The following PTPN13 variants were observed in gnomAD, a reference collection of about 807,000 sequenced individuals.
PTPN13 encodes tyrosine-protein phosphatase non-receptor type 13.
In PTPN13, 191 loss-of-function variants were observed where a neutral mutation model predicts 284.0. The observed-to-expected ratio is 0.67, with a 90% CI of 0.60 to 0.76. The LOEUF (loss-of-function observed/expected upper bound fraction) is 0.76. Ranked by LOEUF, PTPN13 falls within the 30% of genes least tolerant of loss-of-function variation. The pLI is 0.00. For missense variants in PTPN13, 2,797 were observed against 2,939.9 expected (o/e 0.95, Z 1.12); for synonymous variants, 986 against 1,022.3 (o/e 0.96, Z 0.68).
chr4:86,629,033 G>A (rs1251395310), intron 1 of PTPN13, among the ~76,000 whole-genome samples: 2 of 151,922 alleles, frequency 1.3e-5, no homozygotes, highest in African/African-American at 2.4e-5. Context: ...GGACATAGGC[G>A]TGGGCAAGGA....
At chr4:86,766,314 C>G (rs1454918898) in intron 26 of PTPN13, 118 bp from the exon 27 acceptor site, 11 of 700,410 alleles carry the variant, frequency 1.6e-5, no homozygotes, top group Non-Finnish European at 2.6e-5. Context: ...CTCTGTAACA[C>G]AATTTCTTCC....
rs139606899 is a variant in PTPN13 at position 86,597,216 on chromosome 4, T to C, written c.-6+2427T>C. 1.3e-3 allele frequency among the ~76,000 whole-genome samples: 192 copies of C among 151,570 alleles called. 2 individuals are homozygous for C. The highest frequency in any genetic ancestry group is 1.5e-3 in the Non-Finnish European group (99 of 67,892). On this transcript the variant is annotated intron_variant, in intron 1 of 47. Transcript: ENST00000411767. ...CTCTCTTTTAATTTGAAAATTAAAA[T>C]GGGTCAAATAACTTAGGAACTAAAT... is the stretch of plus-strand genomic sequence containing the variant.
intron 41 of PTPN13, among the ~76,000 whole-genome samples, chr4:86,797,530 T>G (rs974059255): frequency 6.6e-6 from 1 of 152,012 alleles, no homozygotes; most frequent in Admixed American, 6.6e-5. Flanking sequence ...AAATTTTTTG[T>G]TACAAGGAGG....
intron 33 of PTPN13, 47 bp downstream of exon 33, chr4:86,774,578 G>T: frequency 6.7e-7 from 1 of 1,485,540 alleles, no homozygotes; most frequent in South Asian, 1.3e-5. Context: ...TGTAGACAAA[G>T]AGCAAGCCAG....
chr4:86,597,731 T>C (rs1174121684), intron 1 of PTPN13, among the ~76,000 whole-genome samples: 2 of 152,224 alleles, frequency 1.3e-5, no homozygotes, highest in Non-Finnish European at 2.9e-5. Context: ...TCACTAATAG[T>C]AAGGCAGTAG....
chr4:86,703,764 G>A (rs753186288), intron 7 of PTPN13, among the ~76,000 whole-genome samples: 1 of 152,134 alleles, frequency 6.6e-6, no homozygotes, highest in Non-Finnish European at 1.5e-5. Flanking sequence ...AGCTACTCAG[G>A]AGGCTGAGGT....
chr4:86,610,110 A>T (rs1233329773), intron 1 of PTPN13, among the ~76,000 whole-genome samples: 1 of 152,074 alleles, frequency 6.6e-6, no homozygotes, highest in African/African-American at 2.4e-5. Context: ...GCTACTTGGG[A>T]GGCTGAGGCA....
intron 7 of PTPN13, among the ~76,000 whole-genome samples, chr4:86,714,732 T>C (rs1019694464): frequency 2.0e-5 from 3 of 152,234 alleles, no homozygotes; most frequent in Admixed American, 6.5e-5. Context: ...ATACCACTTA[T>C]ATACATTTAT....
chr4:86,652,667 C>G (rs1043325765), intron 2 of PTPN13, among the ~76,000 whole-genome samples: 2 of 151,966 alleles, frequency 1.3e-5, no homozygotes, highest in African/African-American at 2.4e-5. Context: ...TGTATATTTT[C>G]TCTTGCTGCT....
intron 40 of PTPN13, among the ~76,000 whole-genome samples, chr4:86,788,954 T>C (rs1050144654): frequency 6.6e-6 from 1 of 152,190 alleles, no homozygotes; most frequent in African/African-American, 2.4e-5. Context: ...GTGGATAAAG[T>C]TATTAAAGCT....
intron 1 of PTPN13, among the ~76,000 whole-genome samples, chr4:86,619,477 A>C (rs1720972226): frequency 1.3e-5 from 2 of 152,222 alleles, no homozygotes; most frequent in Admixed American, 1.3e-4. Context: ...TTTATATCTA[A>C]GCAGTGACAT....
chr4:86,641,620 T>G (rs1723796457), intron 2 of PTPN13, among the ~76,000 whole-genome samples: 1 of 152,190 alleles, frequency 6.6e-6, no homozygotes, highest in South Asian at 2.1e-4. Flanking sequence ...GAACTTCTCT[T>G]CAGAGGAGGG....
rs545071786 is a variant in PTPN13, at chr4:86,767,763, A to G, written c.4330-54A>G. 777 of 1,350,412 alleles carry G rather than the reference A, an allele frequency of 5.8e-4. 3 individuals are homozygous for G. Among genetic ancestry groups the G allele is most frequent in the Middle Eastern group, 2.0e-4 (1 of 5,084 alleles). 83.7% of individuals were successfully genotyped at this position (1,350,412 alleles called of 1,614,324 possible). On this transcript the variant is annotated intron_variant, in intron 27 of 47. Coordinates refer to ENST00000411767, the MANE Select transcript of PTPN13 (RefSeq NM_080683.3). ...TAACTATACAAAGTCCTGAAAATGTATCTATTTTCTTAGCATTCTTCTTAA... is the reference window on the plus strand; with the variant it reads ...TAACTATACAAAGTCCTGAAAATGTGTCTATTTTCTTAGCATTCTTCTTAA...
At position 86,751,074 on chromosome 4, in the gene PTPN13, A is replaced by T. The variant is rs767646180; in HGVS notation, c.3116A>T (p.His1039Leu). 4.3e-6 allele frequency: 7 copies of T among 1,610,590 alleles called. No individual in the cohort carries two copies. The South Asian group carries it at 7.7e-5, about 18-fold the overall frequency. The change falls in exon 19 of 48, where the codon CAT (histidine) becomes CTT (leucine). Residue 1039 changes from histidine to leucine, a missense_variant. By Grantham distance (99) the His-to-Leu change is moderately conservative (BLOSUM62 -3). Coordinates refer to ENST00000411767, the MANE Select transcript of PTPN13 (RefSeq NM_080683.3). ...AATAGAAGTCCTGAAAGGAGGAAAC[A>T]TGAATCAGACTCCTCATCCATTGAA... is the stretch of plus-strand genomic sequence containing the variant. ...SLNRSPERRK[H>L]ESDSSSIEDP...
At chr4:86,620,492 G>A (rs1355770630) in intron 1 of PTPN13, among the ~76,000 whole-genome samples, 2 of 152,166 alleles carry the variant, frequency 1.3e-5, no homozygotes, top group African/African-American at 4.8e-5. Flanking sequence ...AGGTGACTTA[G>A]CAAGATGATT....
At chr4:86,785,993 A>C (rs1238573855) in intron 40 of PTPN13, 57 bp downstream of exon 40, 3 of 941,270 alleles carry the variant, frequency 3.2e-6, no homozygotes, top group African/African-American at 3.4e-5. Flanking sequence ...TTATGGGTTT[A>C]ACCCAGAAGG....
intron 24 of PTPN13, among the ~76,000 whole-genome samples, chr4:86,763,852 G>A (rs937732206): frequency 6.6e-6 from 1 of 152,074 alleles, no homozygotes; most frequent in African/African-American, 2.4e-5. Flanking sequence ...CCAGGCGATC[G>A]AGCCAGACCC....
chr4:86,649,769 T>C (rs897575054), intron 2 of PTPN13, among the ~76,000 whole-genome samples: 2 of 152,210 alleles, frequency 1.3e-5, no homozygotes, highest in African/African-American at 2.4e-5. Flanking sequence ...AAGAATTTCA[T>C]TGATATTCTA....
chr4:86,797,501 AAG>A (rs1554347949), intron 41 of PTPN13, among the ~76,000 whole-genome samples: 1 of 152,060 alleles, frequency 6.6e-6, no homozygotes. Context: ...CAAAAAAAAA[AAG>A]AAAGAAAAAA....
Sources: allele counts gnomAD v4.1 joint callset (sites outside exome capture counted in the v4.1 genomes callset), GRCh38; gene constraint gnomAD v4.1.1; transcripts MANE v1.5; gene names NCBI Gene and HGNC (gene_info 2026-07-23, HGNC 2026-07-21).